The following STAB2 variants were observed in gnomAD, a reference collection of about 807,000 sequenced individuals.
STAB2 encodes stabilin 2.
STAB2 carries 288 observed loss-of-function variants against 338.1 expected under a neutral mutation model. The observed-to-expected ratio is 0.85, with a 90% confidence interval of 0.77 to 0.94. The LOEUF (loss-of-function observed/expected upper bound fraction) is 0.94. STAB2 is among the 40% of genes least tolerant of loss of function. STAB2 has a pLI of 0.00. For synonymous variants in STAB2, 1,202 were observed against 1,193.3 expected, an observed-to-expected ratio of 1.01 and a Z score of -0.15; for missense variants, 3,141 against 3,210.1, an observed-to-expected ratio of 0.98 and a Z score of 0.52.
intron 33 of STAB2, among the ~76,000 whole-genome samples, chr12:103,697,422 GC>G (rs1252887380): frequency 4.6e-5 from 7 of 152,150 alleles, no homozygotes; most frequent in Non-Finnish European, 4.4e-5. Flanking sequence ...TTATTTTTCT[GC>G]CACAGAATGA....
intron 3 of STAB2, among the ~76,000 whole-genome samples, chr12:103,608,673 A>G (rs1957072678): frequency 6.6e-6 from 1 of 152,214 alleles, no homozygotes; most frequent in African/African-American, 2.4e-5. Context: ...TTTGCTGTGC[A>G]GAAGCTCTTT....
chr12:103,763,702 AAGGT>A, intron 68 of STAB2, 94 bp downstream of exon 68: 1 of 1,183,238 alleles, frequency 8.5e-7, no homozygotes, highest in Non-Finnish European at 1.2e-6. Context: ...TGTACCAAAG[AAGGT>A]TCATTTCTAG....
At chr12:103,698,403 A>C (rs766568991) in intron 33 of STAB2, among the ~76,000 whole-genome samples, 18 of 152,106 alleles carry the variant, frequency 1.2e-4, no homozygotes, top group Non-Finnish European at 1.9e-4. Context: ...GGGAAGAGAC[A>C]TCAAGAGGGT....
At chr12:103,667,525 C>T (rs905087554) in intron 19 of STAB2, among the ~76,000 whole-genome samples, 6 of 151,808 alleles carry the variant, frequency 4.0e-5, no homozygotes, top group South Asian at 2.1e-4. Context: ...ATTGTCTCAG[C>T]CCAGGGAAAG....
At position 103,587,498 on chromosome 12, in the gene STAB2, A is replaced by AT. The variant is rs747845221; in HGVS notation, c.28dup (p.Cys10LeufsTer14). ...CCTCATGATGCTACAACATTTAGTAATTTTTTGTCTTGGATTGGTTGTACA... is the reference window on the plus strand; with the variant it reads ...CCTCATGATGCTACAACATTTAGTAATTTTTTTGTCTTGGATTGGTTGTACA... On this transcript the variant is annotated frameshift_variant, in exon 1 of 69. Coordinates refer to ENST00000388887, the MANE Select transcript of STAB2 (RefSeq NM_017564.10). LOFTEE classifies it high-confidence loss of function. 4 of 1,613,872 alleles carry AT rather than the reference A, an allele frequency of 2.5e-6. No homozygotes were observed. The highest frequency in any genetic ancestry group is 2.2e-5 in the South Asian group (2 of 91,072).
intron 4 of STAB2, 60 bp from the exon 5 acceptor site, chr12:103,621,981 GC>G: frequency 2.0e-6 from 3 of 1,531,414 alleles, no homozygotes; most frequent in Non-Finnish European, 2.7e-6. Context: ...GAAATCCAAG[GC>G]CTTCCTTGGT....
At chr12:103,638,875 A>G (rs11111693) in intron 8 of STAB2, among the ~76,000 whole-genome samples, 9,539 of 152,214 alleles carry the variant, frequency 0.063, 984 homozygotes, top group African/African-American at 0.22. Context: ...ATGTGTCCAT[A>G]CAGAAGGGTA....
chr12:103,621,902 T>C, intron 4 of STAB2, 140 bp from the exon 5 acceptor site: 1 of 727,664 alleles, frequency 1.4e-6, no homozygotes, highest in Non-Finnish European at 2.3e-6. Context: ...ATAACACAAA[T>C]AAACAGAAAG....
intron 3 of STAB2, among the ~76,000 whole-genome samples, chr12:103,610,359 T>G (rs1240375267): frequency 1.3e-5 from 2 of 152,230 alleles, no homozygotes; most frequent in African/African-American, 4.8e-5. Context: ...TTGCCTCAAT[T>G]TCAGAGCCTG....
intron 44 of STAB2, among the ~76,000 whole-genome samples, chr12:103,723,225 C>T (rs1880907710): frequency 6.6e-6 from 1 of 152,176 alleles, no homozygotes. Flanking sequence ...AAGACATACT[C>T]CAGACTGGGC....
chr12:103,756,749 A>G (rs1015043716), intron 63 of STAB2, among the ~76,000 whole-genome samples: 2 of 152,016 alleles, frequency 1.3e-5, no homozygotes, highest in African/African-American at 4.8e-5. Context: ...GGCTTGTAGG[A>G]TCCATGTGGA....
intron 20 of STAB2, 155 bp downstream of exon 20, chr12:103,668,884 G>A: frequency 3.2e-6 from 2 of 632,202 alleles, no homozygotes; most frequent in Non-Finnish European, 5.4e-6. Flanking sequence ...TCATATGGTG[G>A]CCAGACTCTG....
intron 25 of STAB2, among the ~76,000 whole-genome samples, chr12:103,680,772 G>A (rs991562880): frequency 6.6e-6 from 1 of 152,274 alleles, no homozygotes; most frequent in African/African-American, 2.4e-5. Context: ...ACTAGGAGAG[G>A]GGGAGTGATG....
In STAB2 at chr12:103,737,628, T is replaced by TTTTTG; in HGVS notation, c.5551-6_5551-5insTTTTG. ...TCTCTTTTTTTTTTTTTTTTTTCTT[T>TTTTTG]CTTAGGGTGACCTCTTTCTGAATGG... is the stretch of plus-strand genomic sequence containing the variant. On this transcript the variant is annotated splice_region_variant and splice_polypyrimidine_tract_variant and intron_variant, in intron 52 of 68. Coordinates refer to ENST00000388887, the MANE Select transcript of STAB2 (RefSeq NM_017564.10). 6.5e-7 allele frequency: 1 copy of TTTTTG among 1,548,516 alleles called. No individual in the cohort carries two copies. Among genetic ancestry groups the TTTTTG allele is most frequent in the Non-Finnish European group, 8.8e-7 (1 of 1,135,244 alleles).
In STAB2 at chr12:103,692,797, G is replaced by A; in HGVS notation, c.3298-15G>A. On this transcript the variant is annotated splice_polypyrimidine_tract_variant and intron_variant, in intron 30 of 68. Coordinates refer to ENST00000388887, the MANE Select transcript of STAB2 (RefSeq NM_017564.10). The stretch of plus-strand genomic sequence containing the variant: ...CTATAAAGACTCATCTTCCCACTGT[G>A]GTTTGCATTTACAGAATATCACAAT... 2 of 1,609,534 alleles carry A rather than the reference G, an allele frequency of 1.2e-6. No homozygotes were observed. The highest frequency in any genetic ancestry group is 2.2e-5 in the East Asian group (1 of 44,818).
At chr12:103,707,272 T>C (rs1879450859) in intron 38 of STAB2, among the ~76,000 whole-genome samples, 1 of 152,278 alleles carries the variant, frequency 6.6e-6, no homozygotes, top group African/African-American at 2.4e-5. Context: ...CTATGCACAC[T>C]AATCATCACG....
At chr12:103,674,884 T>C (rs1390064163) in intron 23 of STAB2, among the ~76,000 whole-genome samples, 1 of 152,216 alleles carries the variant, frequency 6.6e-6, no homozygotes, top group Non-Finnish European at 1.5e-5. Flanking sequence ...TTTTCCACAG[T>C]TGTACAATAG....
chr12:103,591,165 A>G, intron 2 of STAB2, 135 bp downstream of exon 2: 1 of 1,204,302 alleles, frequency 8.3e-7, no homozygotes, highest in Non-Finnish European at 1.2e-6. Context: ...CTCACAATTT[A>G]TGAACTTAAG....
chr12:103,762,213 G>A (rs544318533), intron 66 of STAB2, 61 bp from the exon 67 acceptor site: 1 of 1,597,844 alleles, frequency 6.3e-7, no homozygotes, highest in East Asian at 2.2e-5. Context: ...GCCACCAAGG[G>A]TTCCCCTTTT....
Sources: allele counts gnomAD v4.1 joint callset (sites outside exome capture counted in the v4.1 genomes callset), GRCh38; gene constraint gnomAD v4.1.1; transcripts MANE v1.5; gene names NCBI Gene and HGNC (gene_info 2026-07-23, HGNC 2026-07-21).